The following MACROD2 variants were observed in gnomAD, a reference collection of about 807,000 sequenced individuals.
The protein encoded by MACROD2 is ADP-ribose glycohydrolase MACROD2.
Under a neutral mutation model 70.4 loss-of-function variants are expected in MACROD2, and 36 were observed. That is an observed-to-expected ratio of 0.51 (90% CI 0.39 to 0.68). The LOEUF is 0.68. Among genes scored for constraint, MACROD2 ranks in the 30% least tolerant of loss-of-function variants. The probability of loss-of-function intolerance (pLI) is 0.00; values close to 1 mark genes in which losing one functional copy is unlikely to be tolerated. For synonymous variants in MACROD2, 172 were observed against 178.8 expected (o/e 0.96, Z 0.30); for missense variants, 496 against 538.4 (o/e 0.92, Z 0.78).
chr20:14,317,577 G>T (rs530693735), intron 3 of MACROD2, among the ~76,000 whole-genome samples: 1 of 145,888 alleles, frequency 6.9e-6, no homozygotes, highest in Non-Finnish European at 1.5e-5. Context: ...CCAAGATTGC[G>T]CCACTGCACT....
intron 6 of MACROD2, among the ~76,000 whole-genome samples, chr20:15,342,534 C>T (rs80240721): frequency 0.032 from 4,877 of 152,182 alleles, 283 homozygotes; most frequent in African/African-American, 0.11. Context: ...TTTAAAATCA[C>T]GGACAAAAAT....
At chr20:14,544,723 A>G (rs1258547896) in intron 4 of MACROD2, among the ~76,000 whole-genome samples, 1 of 152,196 alleles carries the variant, frequency 6.6e-6, no homozygotes, top group Non-Finnish European at 1.5e-5. Flanking sequence ...AAAAAAGCCA[A>G]TAAGGAAGGC....
At chr20:15,091,375 AG>A (rs1206001688) in intron 5 of MACROD2, among the ~76,000 whole-genome samples, 4 of 152,122 alleles carry the variant, frequency 2.6e-5, no homozygotes, top group African/African-American at 9.7e-5. Flanking sequence ...GAAAAATAAA[AG>A]TTTTTATGTG....
chr20:14,734,508 A>C (rs183910059), intron 5 of MACROD2, among the ~76,000 whole-genome samples: 10 of 143,260 alleles, frequency 7.0e-5, no homozygotes, highest in East Asian at 4.0e-4. Context: ...ATCAAAAAAA[A>C]CAAAAAAACA....
At position 15,911,464 on chromosome 20, in the gene MACROD2, CTTTATTATAAAAGAT is replaced by C. The variant is rs1299427743; in HGVS notation, c.776-21811_776-21797del. On this transcript the variant is annotated intron_variant, in intron 10 of 17. Coordinates refer to ENST00000684519, the MANE Select transcript of MACROD2 (RefSeq NM_001351661.2). ...ATCAATTTTTCCCTTTCCACTCTCA[CTTTATTATAAAAGAT>C]CAAAGGGGATTTTCAGGAAAGCGTT... 3.0e-3 allele frequency among the ~76,000 whole-genome samples: 461 copies of C among 152,246 alleles called. 3 individuals carry two copies. The highest frequency in any genetic ancestry group is 0.011 in the African/African-American group (436 of 41,506).
intron 2 of MACROD2, among the ~76,000 whole-genome samples, chr20:14,004,781 A>G (rs1466536928): frequency 1.3e-5 from 2 of 152,184 alleles, no homozygotes; most frequent in African/African-American, 4.8e-5. Flanking sequence ...TTTATTAAAT[A>G]TGGGATTTTA....
At chr20:14,342,110 T>C (rs1055922209) in intron 3 of MACROD2, among the ~76,000 whole-genome samples, 2 of 152,138 alleles carry the variant, frequency 1.3e-5, no homozygotes, top group African/African-American at 4.8e-5. Context: ...ATTACATGGG[T>C]GGGGAGATAA....
intron 2 of MACROD2, among the ~76,000 whole-genome samples, chr20:14,049,578 TAA>T (rs770690841): frequency 3.0e-4 from 36 of 118,144 alleles, no homozygotes; most frequent in Non-Finnish European, 2.5e-4. Flanking sequence ...CTGTCTCTAC[TAA>T]AAAAAAAAAA....
chr20:15,191,929 T>TAGAGAGAGAGAGAG (rs71950480), intron 5 of MACROD2, among the ~76,000 whole-genome samples: 2 of 86,446 alleles, frequency 2.3e-5, no homozygotes, highest in Non-Finnish European at 4.7e-5. Flanking sequence ...TATATATATA[T>TAGAGAGAGAGAGAG]ATAGAGAGAG....
At chr20:14,844,072 C>G (rs1211792697) in intron 5 of MACROD2, among the ~76,000 whole-genome samples, 1 of 152,092 alleles carries the variant, frequency 6.6e-6, no homozygotes. Flanking sequence ...TGAGACTATC[C>G]TGGCCTTCCA....
chr20:15,140,338 G>A (rs923068743), intron 5 of MACROD2, among the ~76,000 whole-genome samples: 5 of 92,144 alleles, frequency 5.4e-5, no homozygotes, highest in African/African-American at 2.0e-4. Context: ...ACAGAGAAAG[G>A]CCTATCAGTA....
chr20:14,800,712 C>A, intron 5 of MACROD2, among the ~76,000 whole-genome samples: 1 of 152,030 alleles, frequency 6.6e-6, no homozygotes, highest in Non-Finnish European at 1.5e-5. Flanking sequence ...CTTGTGAACT[C>A]CTTTCTGTTT....
intron 3 of MACROD2, among the ~76,000 whole-genome samples, chr20:14,314,760 CTAAA>C (rs112460293): frequency 0.87 from 129,437 of 148,004 alleles, 56,684 homozygotes; most frequent in South Asian, 0.9. Context: ...GACTTCGTCT[CTAAA>C]TAAATAAATA....
At chr20:15,436,508 G>GATT (rs1023758833) in intron 7 of MACROD2, among the ~76,000 whole-genome samples, 1 of 151,930 alleles carries the variant, frequency 6.6e-6, no homozygotes, top group Non-Finnish European at 1.5e-5. Flanking sequence ...TACAGGAGGA[G>GATT]ATTTGGGTGG....
At chr20:15,983,003 T>C (rs1389322411) in intron 13 of MACROD2, among the ~76,000 whole-genome samples, 1 of 152,226 alleles carries the variant, frequency 6.6e-6, no homozygotes, top group Non-Finnish European at 1.5e-5. Flanking sequence ...ATTTTTTCTC[T>C]TTCTGACATA....
intron 5 of MACROD2, among the ~76,000 whole-genome samples, chr20:15,114,923 A>G (rs2075981374): frequency 6.6e-6 from 1 of 152,314 alleles, no homozygotes; most frequent in African/African-American, 2.4e-5. Flanking sequence ...CCAAATCTTA[A>G]GAAGAATGAA....
intron 14 of MACROD2, 84 bp downstream of exon 14, chr20:15,986,885 G>A: frequency 9.1e-7 from 1 of 1,104,910 alleles, no homozygotes; most frequent in Non-Finnish European, 1.4e-6. Flanking sequence ...GTGTGTGCGT[G>A]GTGTGTGTGT....
chr20:15,360,912 A>G (rs555522808), intron 6 of MACROD2, among the ~76,000 whole-genome samples: 11 of 150,100 alleles, frequency 7.3e-5, no homozygotes, highest in African/African-American at 2.0e-4. Context: ...GACCATTTGT[A>G]TTTTTACTGT....
intron 5 of MACROD2, among the ~76,000 whole-genome samples, chr20:15,192,952 A>T (rs75179397): frequency 0.012 from 1,763 of 152,274 alleles, 27 homozygotes; most frequent in African/African-American, 0.039. Flanking sequence ...ACACACTGCT[A>T]AGCTATTTCT....
Sources: allele counts gnomAD v4.1 joint callset (sites outside exome capture counted in the v4.1 genomes callset), GRCh38; gene constraint gnomAD v4.1.1; transcripts MANE v1.5; gene names NCBI Gene and HGNC (gene_info 2026-07-23, HGNC 2026-07-21).